The following NT5DC4 variants were observed in gnomAD, a reference collection of about 807,000 sequenced individuals.
The protein encoded by NT5DC4 is 5'-nucleotidase domain-containing protein 4.
Under a neutral mutation model 26.6 loss-of-function variants are expected in NT5DC4, and 44 were observed. The ratio of observed to expected loss-of-function variants is 1.65; its 90% CI spans 1.30 to 2.13. The LOEUF is 2.13. NT5DC4 is among the 30% of genes most tolerant of loss of function. The pLI is 0.00. For synonymous variants in NT5DC4, 157 were observed against 86.7 expected (o/e 1.81, Z -4.51); for missense variants, 399 against 228.1 (o/e 1.75, Z -4.83).
intron 16 of NT5DC4, chr2:112,737,347 A>G (rs1268707423): frequency 2.0e-5 from 3 of 152,184 alleles, no homozygotes; most frequent in Non-Finnish European, 2.9e-5. Context: ...GCCCACAAAC[A>G]GTGTACTAGG....
rs1553437320 is a variant in NT5DC4 at position 112,734,195 on chromosome 2, G to GTGTGTGTGTGTGTGTGTGTGTGTGTT, written c.1344+4498_1344+4499insGTGTGTGTGTGTGTGTGTTTGTGTGT. ...TGTGTGTGTGTGTGTGTGTGTGTGT[G>GTGTGTGTGTGTGTGTGTGTGTGTGTT]TGTGTGTACATTAGTCAGGATTTTT... is the stretch of plus-strand genomic sequence containing the variant. On this transcript the variant is annotated intron_variant, in intron 16 of 16. Transcript: ENST00000688554. 2.6e-3 allele frequency among the ~76,000 whole-genome samples: 400 copies of GTGTGTGTGTGTGTGTGTGTGTGTGTT among 151,488 alleles called. 1 individual carries two copies. Among genetic ancestry groups the GTGTGTGTGTGTGTGTGTGTGTGTGTT allele is most frequent in the African/African-American group, 9.2e-3 (375 of 40,892 alleles).
intron 11 of NT5DC4, 67 bp downstream of exon 11, chr2:112,724,973 T>A: frequency 1.4e-6 from 1 of 700,526 alleles, no homozygotes; most frequent in Non-Finnish European, 2.7e-6. Flanking sequence ...AGACTTGACC[T>A]GCCTTTATAG....
chr2:112,738,523 C>A, intron 16 of NT5DC4: 1 of 284,364 alleles, frequency 3.5e-6, no homozygotes, highest in Non-Finnish European at 6.6e-6. Flanking sequence ...ATATAAAAAA[C>A]TATGTTGGGA....
rs1398272549 is a variant in NT5DC4 at position 112,727,089 on chromosome 2, C to T, written c.1266+351C>T. The T allele has an allele frequency of 9.8e-6, 3 of 304,796 alleles. No individual in the cohort carries two copies. The East Asian group carries it at 1.9e-4, about 19-fold the overall frequency. 18.9% of individuals were successfully genotyped at this position (304,796 alleles called of 1,614,324 possible). On this transcript the variant is annotated intron_variant, in intron 15 of 16. Coordinates refer to ENST00000688554, the MANE Select transcript of NT5DC4 (RefSeq NM_001393655.1). ...GGAAATGTGATTTAGGGCCAGTGAG[C>T]CCAGGGTCCTTGGAAAAGAGAAGAA...
At chr2:112,723,905 C>T in intron 9 of NT5DC4, 103 bp downstream of exon 9, 1 of 691,342 alleles carries the variant, frequency 1.4e-6, no homozygotes, top group Non-Finnish European at 2.7e-6. Flanking sequence ...GGAGCCAAGA[C>T]CCTCCTACCC....
intron 15 of NT5DC4, 125 bp downstream of exon 15, chr2:112,726,863 C>T (rs1677811766): frequency 1.5e-6 from 1 of 681,584 alleles, no homozygotes. Flanking sequence ...TCTCCTCAGC[C>T]TCGCCTGGGC....
At chr2:112,725,580 GA>G (rs1677598763) in intron 13 of NT5DC4, 28 bp downstream of exon 13, 1 of 672,480 alleles carries the variant, frequency 1.5e-6, no homozygotes, top group South Asian at 1.6e-5. Context: ...GGAACAGTCA[GA>G]GGGGCACTGG....
intron 11 of NT5DC4, 125 bp downstream of exon 11, chr2:112,725,031 G>A: frequency 1.5e-6 from 1 of 651,278 alleles, no homozygotes; most frequent in South Asian, 1.7e-5. Flanking sequence ...GGAACCCGAG[G>A]CCGCCTTCAG....
chr2:112,719,979 TTTC>T (rs1558715645), upstream of NT5DC4, among the ~76,000 whole-genome samples: 352 of 125,370 alleles, frequency 2.8e-3, 2 homozygotes, highest in Middle Eastern at 0.012. Flanking sequence ...TCTTTCTTTC[TTTC>T]TTTCTTTTTC....
At chr2:112,727,957 C>G (rs1677967915) in intron 15 of NT5DC4, among the ~76,000 whole-genome samples, 1 of 152,252 alleles carries the variant, frequency 6.6e-6, no homozygotes, top group South Asian at 2.1e-4. Context: ...GCTCAGCTCT[C>G]TCGGGCGGCC....
At chr2:112,734,342 A>G (rs1002520934) in intron 16 of NT5DC4, among the ~76,000 whole-genome samples, 7 of 152,178 alleles carry the variant, frequency 4.6e-5, no homozygotes, top group African/African-American at 1.2e-4. Context: ...CAGGGAGTCA[A>G]ATCAATGTCA....
rs1391453358 is a variant in NT5DC4 at position 112,721,882 on chromosome 2, A to C, written c.139A>C (p.Thr47Pro). 1 of 717,032 alleles carries C rather than the reference A, an allele frequency of 1.4e-6. No individual in the cohort carries two copies. Among genetic ancestry groups the C allele is most frequent in the Non-Finnish European group, 2.6e-6 (1 of 385,040 alleles). 44.4% of individuals were successfully genotyped at this position (717,032 alleles called of 1,614,324 possible). A position where few individuals can be genotyped will look rare whatever the true frequency, so the allele number is the denominator to read the frequency against. ...IRCFGFDMDY[T>P]LAAYKSPAYE... ...TTGCTTTGGCTTCGACATGGACTAC[A>C]CTCTGGCTGGTAGAGAGGGCTGGAA... is the stretch of plus-strand genomic sequence containing the variant. The change falls in exon 2 of 17, where the codon ACT becomes CCT. Residue 47 changes from threonine (T) to proline (P), a missense_variant. Thr to Pro is a conservative substitution (Grantham distance 38, BLOSUM62 -1). Transcript: ENST00000688554.
chr2:112,734,169 A>ATATATG (rs150412692), intron 16 of NT5DC4, among the ~76,000 whole-genome samples: 37 of 134,864 alleles, frequency 2.7e-4, no homozygotes, highest in East Asian at 1.3e-3. Flanking sequence ...TATTATATAT[A>ATATATG]TGTGTGTGTG....
intron 16 of NT5DC4, among the ~76,000 whole-genome samples, chr2:112,732,900 A>G (rs1293531723): frequency 6.6e-6 from 1 of 152,014 alleles, no homozygotes; most frequent in African/African-American, 2.4e-5. Flanking sequence ...CAGGACTTGG[A>G]GTCTTGCATT....
chr2:112,735,296 G>A (rs58559275), intron 16 of NT5DC4, among the ~76,000 whole-genome samples: 3 of 151,832 alleles, frequency 2.0e-5, no homozygotes, highest in Non-Finnish European at 2.9e-5. Context: ...CACCCGCCTC[G>A]ACTTCCCAAA....
At chr2:112,738,798 C>G (rs764407057) in intron 16 of NT5DC4, 115 bp from the exon 17 acceptor site, 16 of 1,506,274 alleles carry the variant, frequency 1.1e-5, no homozygotes, top group Non-Finnish European at 1.4e-5. Flanking sequence ...TCTGAAACAC[C>G]TTTTTTAAAA....
upstream of NT5DC4, among the ~76,000 whole-genome samples, chr2:112,719,938 CTT>C (rs569573373): frequency 6.1e-4 from 51 of 83,682 alleles, no homozygotes; most frequent in South Asian, 3.8e-3. Context: ...TTCTTTCTTT[CTT>C]TCTTTCTTTC....
rs186025423 is a variant in NT5DC4, at chr2:112,724,536, G to A, written c.790-245G>A. The A allele has an allele frequency of 2.2e-5, 13 of 583,422 alleles. No homozygotes were observed. The East Asian group carries it at 3.7e-4, about 17-fold the overall frequency. 36.1% of individuals were successfully genotyped at this position (583,422 alleles called of 1,614,324 possible). Reference sequence around the variant, plus strand: ...TCCCTGGGTCTCTGTGCTGTGAGGAGCTCTGGAGCCTGGCCTGAGGCTGCA... The same window carrying A: ...TCCCTGGGTCTCTGTGCTGTGAGGAACTCTGGAGCCTGGCCTGAGGCTGCA... On this transcript the variant is annotated intron_variant, in intron 10 of 16. Coordinates refer to ENST00000688554, the MANE Select transcript of NT5DC4 (RefSeq NM_001393655.1).
At chr2:112,741,750 TC>T (rs776913175), downstream of NT5DC4, among the ~76,000 whole-genome samples, 16 of 152,122 alleles carry the variant, frequency 1.1e-4, no homozygotes, top group Non-Finnish European at 1.9e-4. Context: ...ACTTGATTGT[TC>T]CCCAGTTAAA....
Sources: allele counts gnomAD v4.1 joint callset (sites outside exome capture counted in the v4.1 genomes callset), GRCh38; gene constraint gnomAD v4.1.1; transcripts MANE v1.5; gene names NCBI Gene and HGNC (gene_info 2026-07-23, HGNC 2026-07-21).